The following CRTC1 variants were observed in gnomAD, a reference collection of about 807,000 sequenced individuals.
The protein encoded by CRTC1 is CREB-regulated transcription coactivator 1.
In CRTC1, 18 loss-of-function variants were observed where a neutral mutation model predicts 66.1. That is an observed-to-expected ratio of 0.27 (90% CI 0.19 to 0.40). CRTC1 has a LOEUF of 0.40. Among genes scored for constraint, CRTC1 ranks in the 10% least tolerant of loss-of-function variants. CRTC1 has a pLI of 1.00. For synonymous variants in CRTC1, 416 were observed against 398.8 expected (o/e 1.04, Z -0.51); for missense variants, 669 against 887.9 (o/e 0.75, Z 3.13).
chr19:18,781,248 C>T lies in CRTC1; in HGVS notation c.*3866C>T, dbSNP rs1463756533. 1 of 227,794 alleles carries T rather than the reference C, an allele frequency of 4.4e-6. No homozygotes were observed. The highest frequency in any genetic ancestry group is 2.2e-5 in the African/African-American group (1 of 44,944). The allele number at this position is 227,794 out of a possible 1,614,324, so 14.1% of individuals were successfully genotyped here. ...CGTGCGGGCGCCAGAGCCTTCCCTA[C>T]ACAGCCTAAGAGCAGGGGCAAGACT... On this transcript the variant is annotated 3_prime_UTR_variant, in exon 14 of 14. Coordinates refer to ENST00000321949, the MANE Select transcript of CRTC1 (RefSeq NM_015321.3).
chr19:18,717,707 T>C lies in CRTC1; in HGVS notation c.127-25203T>C, dbSNP rs1244270355. Reference sequence around the variant, plus strand: ...GCAGCTCAGAGAGGAGGGTGCAGGGTTCCGGGGTGGGCCAAATGCCGGGTG... The same window carrying C: ...GCAGCTCAGAGAGGAGGGTGCAGGGCTCCGGGGTGGGCCAAATGCCGGGTG... On this transcript the variant is annotated intron_variant, in intron 1 of 13. Transcript: ENST00000321949. 1.3e-4 allele frequency among the ~76,000 whole-genome samples: 19 copies of C among 151,892 alleles called. No homozygotes were observed. In the East Asian group the frequency reaches 3.7e-3, roughly 29 times the overall value.
chr19:18,772,204 G>A (rs540951230), intron 11 of CRTC1, among the ~76,000 whole-genome samples: 15 of 152,138 alleles, frequency 9.9e-5, no homozygotes, highest in African/African-American at 2.4e-4. Context: ...CAGGTTCCTC[G>A]GAATGCCCCT....
In CRTC1 at chr19:18,779,364, C is replaced by G. The variant is rs2055059479; in HGVS notation, c.*1982C>G. Reference sequence around the variant, plus strand: ...CTGGTCACGTTGCTCCTGCTGCCGTCTTGTTCCAAGGTGCGGGGGGGACAC... The same window carrying G: ...CTGGTCACGTTGCTCCTGCTGCCGTGTTGTTCCAAGGTGCGGGGGGGACAC... On this transcript the variant is annotated 3_prime_UTR_variant, in exon 14 of 14. Transcript: ENST00000321949. 4.4e-6 allele frequency: 1 copy of G among 226,224 alleles called. No homozygotes were observed. Among genetic ancestry groups the G allele is most frequent in the South Asian group, 1.8e-4 (1 of 5,476 alleles). The allele number at this position is 226,224 out of a possible 1,614,324, so 14.0% of individuals were successfully genotyped here.
rs1270580449 is a variant in CRTC1, at chr19:18,782,307, C to T, written c.*4925C>T. On this transcript the variant is annotated 3_prime_UTR_variant, in exon 14 of 14. Transcript: ENST00000321949. ...TACCTTTGCATCCTTTGTAATGAAA[C>T]GTAATAAAAATCCAACGTTTTCGTC... 1 of 213,898 alleles carries T rather than the reference C, an allele frequency of 4.7e-6. No homozygotes were observed. The highest frequency in any genetic ancestry group is 1.7e-4 in the South Asian group (1 of 5,948). The allele number at this position is 213,898 out of a possible 1,614,324, so 13.3% of individuals were successfully genotyped here.
At chr19:18,738,529 C>A (rs1448722173) in intron 1 of CRTC1, among the ~76,000 whole-genome samples, 1 of 152,026 alleles carries the variant, frequency 6.6e-6, no homozygotes, top group Admixed American at 6.6e-5. Flanking sequence ...GAGCCAGGCC[C>A]AGTGGCTCAC....
intron 1 of CRTC1, among the ~76,000 whole-genome samples, chr19:18,695,172 A>G (rs1299381154): frequency 1.3e-5 from 2 of 151,750 alleles, no homozygotes; most frequent in Non-Finnish European, 2.9e-5. Flanking sequence ...TGCCCAGCTA[A>G]TTTTTGTACT....
intron 1 of CRTC1, among the ~76,000 whole-genome samples, chr19:18,730,962 C>G (rs896193812): frequency 3.5e-5 from 3 of 84,734 alleles, no homozygotes; most frequent in African/African-American, 1.1e-4. Context: ...TCCCTCCCTC[C>G]CTCCTTCCCT....
rs1345878893 is a variant in CRTC1 at position 18,741,735 on chromosome 19, G to A, written c.127-1175G>A. Among the ~76,000 whole-genome samples the A allele has an allele frequency of 6.6e-6, 1 of 152,174 alleles. No homozygotes were observed. Among genetic ancestry groups the A allele is most frequent in the Non-Finnish European group, 1.5e-5 (1 of 68,022 alleles). On this transcript the variant is annotated intron_variant, in intron 1 of 13. Coordinates refer to ENST00000321949, the MANE Select transcript of CRTC1 (RefSeq NM_015321.3). The surrounding 1 kb of genome is among the most constrained non-coding windows in gnomAD (Gnocchi z 4.2). ...GGGCCTCACCCCCAGGCCCTCGAGA[G>A]CCACCCAATAACACACAAGGTTAAT...
chr19:18,700,846 T>C (rs549875705), intron 1 of CRTC1, among the ~76,000 whole-genome samples: 37 of 152,338 alleles, frequency 2.4e-4, no homozygotes, highest in African/African-American at 8.7e-4. Flanking sequence ...AGGGGCTCTC[T>C]GTCTGCTTCA....
intron 4 of CRTC1, among the ~76,000 whole-genome samples, chr19:18,748,203 A>G (rs2054287070): frequency 6.6e-6 from 1 of 152,114 alleles, no homozygotes; most frequent in Non-Finnish European, 1.5e-5. Context: ...AAAACTATAC[A>G]TATATACACA....
chr19:18,717,355 G>A (rs1252170378), intron 1 of CRTC1, among the ~76,000 whole-genome samples: 1 of 152,236 alleles, frequency 6.6e-6, no homozygotes, highest in South Asian at 2.1e-4. Context: ...TGTCCTTGGT[G>A]CAGTAATGAC....
At position 18,700,495 on chromosome 19, in the gene CRTC1, C is replaced by CT. The variant is rs397859461; in HGVS notation, c.126+16679dup. Among the ~76,000 whole-genome samples, 421 of 147,360 alleles carry CT rather than the reference C, an allele frequency of 2.9e-3. 10 individuals carry two copies. In the East Asian group the frequency reaches 0.054, roughly 19 times the overall value. The stretch of plus-strand genomic sequence containing the variant: ...TGCTGCAGAGAAGCTCTCTGCCACA[C>CT]TTTTTTTTTTTTAAATAAAAAAAAT... On this transcript the variant is annotated intron_variant, in intron 1 of 13. Transcript: ENST00000321949.
Position 18,758,866 on chromosome 19 carries a change from C to T in CRTC1, c.625-685C>T, listed in dbSNP as rs116082812. Among the ~76,000 whole-genome samples, 975 of 152,310 alleles carry T rather than the reference C, an allele frequency of 6.4e-3. 18 individuals carry two copies. The highest frequency in any genetic ancestry group is 0.022 in the African/African-American group (927 of 41,568). ...ACTGGACAGAGGCAACTCCTGCCCC[C>T]GGAACCCCTGCCACCATGATCTGGG... On this transcript the variant is annotated intron_variant, in intron 6 of 13. Transcript: ENST00000321949.
intron 1 of CRTC1, among the ~76,000 whole-genome samples, chr19:18,697,368 G>A (rs1460486837): frequency 1.3e-5 from 2 of 152,050 alleles, no homozygotes; most frequent in African/African-American, 2.4e-5. Context: ...TTGGAGTGCC[G>A]TGGTGCGATC....
At position 18,778,329 on chromosome 19, in the gene CRTC1, A is replaced by G; in HGVS notation, c.*947A>G. The G allele has an allele frequency of 4.3e-6, 1 of 231,408 alleles. No individual in the cohort carries two copies. Among genetic ancestry groups the G allele is most frequent in the Non-Finnish European group, 8.6e-6 (1 of 116,862 alleles). The allele number at this position is 231,408 out of a possible 1,614,324, so 14.3% of individuals were successfully genotyped here. A position where few individuals can be genotyped will look rare whatever the true frequency, so the allele number is the denominator to read the frequency against. On this transcript the variant is annotated 3_prime_UTR_variant, in exon 14 of 14. Transcript: ENST00000321949. ...TAGTTTCTAGTTACATTTTGGTTGTAGATGACTCGCTTAATCTTTTAAGCC... is the reference window on the plus strand; with the variant it reads ...TAGTTTCTAGTTACATTTTGGTTGTGGATGACTCGCTTAATCTTTTAAGCC...
rs146150275 is a variant in CRTC1, at chr19:18,775,657, T to C, written c.1529T>C (p.Met510Thr). The C allele has an allele frequency of 3.1e-6, 5 of 1,601,972 alleles. No individual in the cohort carries two copies. In the African/African-American group the frequency reaches 5.4e-5, roughly 17 times the overall value. Residue 510 changes from methionine to threonine, a missense_variant, in exon 13 of 14, where the codon ATG (methionine) becomes ACG (threonine). By Grantham distance (81) the Met-to-Thr change is moderately conservative. Coordinates refer to ENST00000321949, the MANE Select transcript of CRTC1 (RefSeq NM_015321.3). ...ALSHQLEQFN[M>T]MENAISSSSL... ...CCTTCCCAGCTGGAGCAGTTCAACATGATGGAGAACGCCATCAGCTCCAGC... is the reference window on the plus strand; with the variant it reads ...CCTTCCCAGCTGGAGCAGTTCAACACGATGGAGAACGCCATCAGCTCCAGC...
At chr19:18,766,298 T>C (rs7256728) in intron 9 of CRTC1, among the ~76,000 whole-genome samples, 1 of 139,976 alleles carries the variant, frequency 7.1e-6, no homozygotes, top group Non-Finnish European at 1.5e-5. Context: ...TTTTTTTTTT[T>C]TTTTTTTTTT....
At chr19:18,730,735 C>A (rs1335715475) in intron 1 of CRTC1, among the ~76,000 whole-genome samples, 2 of 152,168 alleles carry the variant, frequency 1.3e-5, no homozygotes, top group Non-Finnish European at 2.9e-5. Context: ...GGATCCCTGC[C>A]CCCTCTGGGC....
Position 18,727,423 on chromosome 19 carries a change from T to C in CRTC1, c.127-15487T>C, listed in dbSNP as rs144424099. On this transcript the variant is annotated intron_variant, in intron 1 of 13. Transcript: ENST00000321949. ...AGTGAAACCCTATCTCTACTAAAAA[T>C]ACAAAAAATTAGTTGGGTATGGTGG... is the stretch of plus-strand genomic sequence containing the variant. Among the ~76,000 whole-genome samples, 774 of 150,670 alleles carry C rather than the reference T, an allele frequency of 5.1e-3. 6 individuals carry two copies. Among genetic ancestry groups the C allele is most frequent in the African/African-American group, 0.016 (659 of 41,048 alleles).
Sources: allele counts gnomAD v4.1 joint callset (sites outside exome capture counted in the v4.1 genomes callset), GRCh38; gene constraint gnomAD v4.1.1; non-coding constraint Gnocchi (gnomAD v3.1); transcripts MANE v1.5; gene names NCBI Gene and HGNC (gene_info 2026-07-23, HGNC 2026-07-21).